The following IGSF21 variants were observed in gnomAD, a reference collection of about 807,000 sequenced individuals.
The protein encoded by IGSF21 is immunoglobulin superfamily member 21.
Under a neutral mutation model 46.8 loss-of-function variants are expected in IGSF21, and 28 were observed. That is an observed-to-expected ratio of 0.60 (90% CI 0.44 to 0.82). IGSF21 has a LOEUF of 0.82. Ranked by LOEUF, IGSF21 falls within the 40% of genes least tolerant of loss-of-function variation. The pLI is 0.00. For synonymous variants in IGSF21, 284 were observed against 273.6 expected, an observed-to-expected ratio of 1.04 and a Z score of -0.38; for missense variants, 624 against 665.5, an observed-to-expected ratio of 0.94 and a Z score of 0.69.
chr1:18,238,648 G>A (rs1164958201), intron 2 of IGSF21, among the ~76,000 whole-genome samples: 4 of 152,124 alleles, frequency 2.6e-5, no homozygotes, highest in African/African-American at 9.7e-5. Context: ...CAGCTGAAGT[G>A]GACACCCAAA....
rs111721151 is a variant in IGSF21, at chr1:18,225,062, A to ATCTCTCTCTCTCTC, written c.71-2825_71-2812dup. 1.4e-3 allele frequency among the ~76,000 whole-genome samples: 90 copies of ATCTCTCTCTCTCTC among 63,680 alleles called. 12 individuals carry two copies. Among genetic ancestry groups the ATCTCTCTCTCTCTC allele is most frequent in the South Asian group, 6.9e-3 (11 of 1,588 alleles). The allele number at this position is 63,680 out of a possible 152,430, so 41.8% of individuals were successfully genotyped here. On this transcript the variant is annotated intron_variant, in intron 1 of 9. Coordinates refer to ENST00000251296, the MANE Select transcript of IGSF21 (RefSeq NM_032880.5). The stretch of plus-strand genomic sequence containing the variant: ...CCTGGATGACAGAGTGAGACTCTGT[A>ATCTCTCTCTCTCTC]TCTCTCTCTCTCTCTCTCTCTCTCA...
At chr1:18,230,559 G>A (rs942867252) in intron 2 of IGSF21, among the ~76,000 whole-genome samples, 2 of 152,124 alleles carry the variant, frequency 1.3e-5, no homozygotes, top group Non-Finnish European at 2.9e-5. Context: ...TGGTGGCTCA[G>A]CTGACTGGTT....
At chr1:18,361,930 A>G (rs2086104743) in intron 4 of IGSF21, 185 bp from the exon 5 acceptor site, 2 of 585,116 alleles carry the variant, frequency 3.4e-6, no homozygotes, top group Non-Finnish European at 3.1e-6. Context: ...GCTCTTGTCT[A>G]TATTCCCAGC....
At chr1:18,299,507 G>A (rs2085341471) in intron 3 of IGSF21, among the ~76,000 whole-genome samples, 3 of 152,116 alleles carry the variant, frequency 2.0e-5, no homozygotes, top group African/African-American at 7.2e-5. Context: ...TGAAGCATAC[G>A]TCTTCTTTCT....
intron 1 of IGSF21, among the ~76,000 whole-genome samples, chr1:18,165,500 C>A (rs1004803740): frequency 6.6e-6 from 1 of 152,204 alleles, no homozygotes; most frequent in African/African-American, 2.4e-5. Flanking sequence ...GCCCTACATC[C>A]AAACACAGTC....
chr1:18,248,446 G>T (rs2084804913), intron 2 of IGSF21, among the ~76,000 whole-genome samples: 1 of 152,128 alleles, frequency 6.6e-6, no homozygotes, highest in Admixed American at 6.5e-5. Flanking sequence ...AAGTGATGCT[G>T]GGATTTTCCA....
intron 1 of IGSF21, among the ~76,000 whole-genome samples, chr1:18,183,931 C>T (rs906805555): frequency 2.6e-5 from 4 of 152,098 alleles, no homozygotes; most frequent in Non-Finnish European, 5.9e-5. Flanking sequence ...ATGACAAAAC[C>T]CCACAGTGAT....
chr1:18,108,515 T>G (rs1025594706), intron 1 of IGSF21, among the ~76,000 whole-genome samples: 86 of 151,716 alleles, frequency 5.7e-4, no homozygotes, highest in African/African-American at 2.1e-3. Flanking sequence ...TGTGTGCGTG[T>G]GTGTGTGATG....
chr1:18,243,286 C>A (rs927950476), intron 2 of IGSF21, among the ~76,000 whole-genome samples: 1 of 152,140 alleles, frequency 6.6e-6, no homozygotes, highest in African/African-American at 2.4e-5. Context: ...TTAGTCTTCT[C>A]CACCTCAGCG....
chr1:18,227,963 T>A lies in IGSF21; in HGVS notation c.136T>A (p.Cys46Ser), dbSNP rs2084585845. Reference protein sequence around the residue: ...VVAGDAVTLKCNFKTDGRMRE... With the variant: ...VVAGDAVTLKSNFKTDGRMRE... Reference sequence around the variant, plus strand: ...GGCTGGAGACGCCGTGACTTTGAAGTGTAACTTCAAGACAGATGGGCGCAT... The same window carrying A: ...GGCTGGAGACGCCGTGACTTTGAAGAGTAACTTCAAGACAGATGGGCGCAT... The change falls in exon 2 of 10, where the codon TGT becomes AGT. Residue 46 changes from cysteine (C) to serine (S), a missense_variant. By Grantham distance (112) the Cys-to-Ser change is moderately radical. Transcript: ENST00000251296. The A allele has an allele frequency of 6.2e-7, 1 of 1,614,066 alleles. No homozygotes were observed. The highest frequency in any genetic ancestry group is 8.5e-7 in the Non-Finnish European group (1 of 1,179,976).
At chr1:18,286,873 G>A (rs574353827) in intron 2 of IGSF21, among the ~76,000 whole-genome samples, 1 of 152,274 alleles carries the variant, frequency 6.6e-6, no homozygotes, top group African/African-American at 2.4e-5. Flanking sequence ...CAGAGCAATG[G>A]ACAGGACAGA....
intron 1 of IGSF21, among the ~76,000 whole-genome samples, chr1:18,171,791 A>T (rs147006080): frequency 6.6e-6 from 1 of 152,194 alleles, no homozygotes; most frequent in African/African-American, 2.4e-5. Context: ...CCATGTGGAT[A>T]TGGACTTCAC....
intron 3 of IGSF21, among the ~76,000 whole-genome samples, chr1:18,296,989 A>C (rs2085317903): frequency 6.6e-6 from 1 of 152,144 alleles, no homozygotes. Context: ...CACCTTGGCC[A>C]ATGCTCTTTG....
intron 1 of IGSF21, among the ~76,000 whole-genome samples, chr1:18,219,865 T>C: frequency 6.6e-6 from 1 of 152,182 alleles, no homozygotes; most frequent in Non-Finnish European, 1.5e-5. Context: ...AGTCCATGCA[T>C]CTGGGCTTGT....
intron 3 of IGSF21, among the ~76,000 whole-genome samples, chr1:18,313,035 C>T (rs1029384854): frequency 6.6e-6 from 1 of 152,172 alleles, no homozygotes; most frequent in African/African-American, 2.4e-5. Flanking sequence ...GCAAGAGCCC[C>T]GTTTTACTCA....
intron 3 of IGSF21, among the ~76,000 whole-genome samples, chr1:18,297,577 A>G (rs1170563791): frequency 6.6e-6 from 1 of 152,054 alleles, no homozygotes; most frequent in South Asian, 2.1e-4. Flanking sequence ...ATAAGGTACA[A>G]CTGTCCCTCA....
intron 3 of IGSF21, 93 bp downstream of exon 3, chr1:18,292,080 T>C: frequency 7.5e-7 from 1 of 1,328,606 alleles, no homozygotes; most frequent in South Asian, 1.3e-5. Flanking sequence ...TTCACATCAA[T>C]CCCTCGGTGC....
chr1:18,329,358 C>A (rs1390735462), intron 3 of IGSF21, among the ~76,000 whole-genome samples: 1 of 152,272 alleles, frequency 6.6e-6, no homozygotes, highest in East Asian at 1.9e-4. Flanking sequence ...GATGGAGAAA[C>A]CGAAGCTCAA....
intron 2 of IGSF21, among the ~76,000 whole-genome samples, chr1:18,291,555 C>G (rs1044258210): frequency 3.3e-5 from 5 of 152,224 alleles, no homozygotes; most frequent in African/African-American, 1.2e-4. Context: ...ATCCCACTTC[C>G]TTTCTTCTCC....
Sources: allele counts gnomAD v4.1 joint callset (sites outside exome capture counted in the v4.1 genomes callset), GRCh38; gene constraint gnomAD v4.1.1; transcripts MANE v1.5; gene names NCBI Gene and HGNC (gene_info 2026-07-23, HGNC 2026-07-21).